FAM240C: variants seen among roughly 807,000 people sequenced by gnomAD.
The protein encoded by FAM240C is family with sequence similarity 240 member C.
FAM240C carries 14 observed loss-of-function variants against 10.0 expected under a neutral mutation model. The observed-to-expected ratio is 1.40, with a 90% CI of 0.92 to 2.19. FAM240C has a LOEUF of 2.19. FAM240C is among the 30% of genes most tolerant of loss of function. The probability of loss-of-function intolerance (pLI) is 0.00; values close to 1 mark genes in which losing one functional copy is unlikely to be tolerated. For missense variants in FAM240C, 154 were observed against 122.3 expected (o/e 1.26, Z -1.22); for synonymous variants, 49 against 44.3 (o/e 1.11, Z -0.42).
At chr2:241,894,580 G>A (rs1036479836) in intron 2 of FAM240C, among the ~76,000 whole-genome samples, 7 of 146,552 alleles carry the variant, frequency 4.8e-5, no homozygotes, top group Admixed American at 6.7e-5. Context: ...TGGTGGGGGG[G>A]GGGGGGGGCG....
In FAM240C at chr2:241,900,294, GCCCCCA is replaced by G. The variant is rs1701952855; in HGVS notation, c.12+58_12+63del. On this transcript the variant is annotated intron_variant, in intron 1 of 2. Transcript: ENST00000404031. This position sits in a 1 kb window ranked among gnomAD's most constrained non-coding sequence, Gnocchi z 4.5. ...CACATACTCTGTTCACCTTTTGGGG[GCCCCCA>G]AATGCAGCGCCAATCTCTCAAGCAA... 5 of 714,486 alleles carry G rather than the reference GCCCCCA, an allele frequency of 7.0e-6. No individual in the cohort carries two copies. The highest frequency in any genetic ancestry group is 1.3e-5 in the Non-Finnish European group (5 of 383,084). The allele number at this position is 714,486 out of a possible 1,614,324, so 44.3% of individuals were successfully genotyped here.
chr2:241,898,730 G>T lies in FAM240C; in HGVS notation c.13-1396C>A, dbSNP rs555451804. On this transcript the variant is annotated intron_variant, in intron 1 of 2. Transcript: ENST00000404031. The stretch of plus-strand genomic sequence containing the variant: ...CCTGGGCTGTGCCTGCCCTGGCCTG[G>T]CTCCAGGTCTCCGTAGATGGCCCTG... Among the ~76,000 whole-genome samples the T allele has an allele frequency of 2.6e-5, 4 of 152,306 alleles. No individual in the cohort carries two copies. In the East Asian group the frequency reaches 7.7e-4, roughly 29 times the overall value.
chr2:241,894,576 G>A lies in FAM240C; in HGVS notation c.162-237C>T, dbSNP rs1472464410. 5.0e-4 allele frequency among the ~76,000 whole-genome samples: 7 copies of A among 14,140 alleles called. 1 individual carries two copies. The highest frequency in any genetic ancestry group is 0.012 in the South Asian group (1 of 86). 9.3% of individuals were successfully genotyped at this position (14,140 alleles called of 152,430 possible). A position where few individuals can be genotyped will look rare whatever the true frequency, so the allele number is the denominator to read the frequency against. The stretch of plus-strand genomic sequence containing the variant: ...CAGGCTGCTGACCAGTGGTTGGTGG[G>A]GGGGGGGGGGGGCGTCTCACTCAGG... On this transcript the variant is annotated intron_variant, in intron 2 of 2. Transcript: ENST00000404031.
chr2:241,900,476 G>A, upstream of FAM240C: 1 of 691,554 alleles, frequency 1.4e-6, no homozygotes, highest in Non-Finnish European at 2.7e-6. The surrounding 1 kb of genome is among the most constrained non-coding windows in gnomAD (Gnocchi z 4.5). Context: ...CATGGGCTCA[G>A]TGACACGCAT....
At chr2:241,900,726 G>A (rs1216744044), upstream of FAM240C, among the ~76,000 whole-genome samples, 1 of 151,378 alleles carries the variant, frequency 6.6e-6, no homozygotes, top group Non-Finnish European at 1.5e-5. The surrounding 1 kb of genome is among the most constrained non-coding windows in gnomAD (Gnocchi z 4.5). Context: ...GGGCACCTAG[G>A]AGTCCTGGGT....
At chr2:241,900,565 G>A (rs1358791922), upstream of FAM240C, 2 of 582,818 alleles carry the variant, frequency 3.4e-6, no homozygotes, top group African/African-American at 3.7e-5. The surrounding 1 kb of genome is among the most constrained non-coding windows in gnomAD (Gnocchi z 4.5). Context: ...TCCGTCCGGA[G>A]GGCAGCTGTT....
At chr2:241,895,428 G>T (rs543947082) in intron 2 of FAM240C, among the ~76,000 whole-genome samples, 1 of 152,348 alleles carries the variant, frequency 6.6e-6, no homozygotes, top group South Asian at 2.1e-4. Flanking sequence ...ACAGGGGACC[G>T]TGGGGTCCCG....
chr2:241,894,276 T>C lies in FAM240C; in HGVS notation c.225A>G (p.Arg75=). The change falls in exon 3 of 3, where the codon AGA becomes AGG. Residue 75 remains arginine, a synonymous_variant. Coordinates refer to ENST00000404031, the MANE Select transcript of FAM240C (RefSeq NM_001382368.1). ...GRNKMLQGPG[R]CPDRVPEATE... ...TGGCCTCCGGGACCCTGTCTGGGCATCTCCCTGGGCCCTGCAGCATCTTGT... is the reference window on the plus strand; with the variant it reads ...TGGCCTCCGGGACCCTGTCTGGGCACCTCCCTGGGCCCTGCAGCATCTTGT... The C allele has an allele frequency of 6.5e-7, 1 of 1,549,926 alleles. No individual in the cohort carries two copies. The highest frequency in any genetic ancestry group is 1.4e-5 in the African/African-American group (1 of 73,150).
chr2:241,898,109 A>G (rs1701896916), intron 1 of FAM240C, among the ~76,000 whole-genome samples: 2 of 152,170 alleles, frequency 1.3e-5, no homozygotes, highest in African/African-American at 4.8e-5. Context: ...GTGGGGTTAA[A>G]TGTGGCAGGT....
At chr2:241,895,905 A>ATGTG (rs1701785718) in intron 2 of FAM240C, among the ~76,000 whole-genome samples, 3 of 150,300 alleles carry the variant, frequency 2.0e-5, no homozygotes, top group Non-Finnish European at 4.4e-5. Context: ...ACACAGGCAC[A>ATGTG]CGTCCAGGAA....
upstream of FAM240C, among the ~76,000 whole-genome samples, chr2:241,902,190 T>A (rs528963115): frequency 4.1e-4 from 62 of 152,172 alleles, no homozygotes; most frequent in East Asian, 0.01. The surrounding 1 kb of genome is among the most constrained non-coding windows in gnomAD (Gnocchi z 7.1). Flanking sequence ...CAGACAACCC[T>A]GTAGCACCAC....
intron 2 of FAM240C, among the ~76,000 whole-genome samples, chr2:241,896,781 TGAA>T (rs1479743604): frequency 2.8e-4 from 5 of 17,678 alleles, no homozygotes; most frequent in Admixed American, 1.2e-3. Flanking sequence ...GGGGTGTGGG[TGAA>T]GGGGGTGTGG....
At chr2:241,896,935 C>A (rs4973669) in intron 2 of FAM240C, among the ~76,000 whole-genome samples, 15 of 150,674 alleles carry the variant, frequency 1.0e-4, no homozygotes, top group Non-Finnish European at 1.8e-4. Flanking sequence ...ATCTGAGCTC[C>A]TGGTCTCACG....
chr2:241,899,277 G>C, intron 1 of FAM240C: 1 of 1,270,640 alleles, frequency 7.9e-7, no homozygotes, highest in Non-Finnish European at 1.0e-6. Flanking sequence ...TGTGATGTGG[G>C]TGCTGGGCGC....
At chr2:241,897,721 T>C (rs1357008214) in intron 1 of FAM240C, among the ~76,000 whole-genome samples, 1 of 152,234 alleles carries the variant, frequency 6.6e-6, no homozygotes, top group Non-Finnish European at 1.5e-5. Context: ...GGCTGTGGCT[T>C]CTGTGCCAGG....
chr2:241,895,175 G>C (rs1186656795), intron 2 of FAM240C, among the ~76,000 whole-genome samples: 1 of 152,244 alleles, frequency 6.6e-6, no homozygotes, highest in African/African-American at 2.4e-5. Flanking sequence ...GGGCCCCACG[G>C]TGATGGTCCC....
intron 2 of FAM240C, 22 bp from the exon 3 acceptor site, chr2:241,894,361 G>A (rs1261604158): frequency 7.2e-6 from 11 of 1,530,220 alleles, no homozygotes; most frequent in South Asian, 1.2e-5. Flanking sequence ...CGATAATTTC[G>A]GCATTGTGAG....
At chr2:241,895,583 GC>G (rs1158547138) in intron 2 of FAM240C, among the ~76,000 whole-genome samples, 1 of 152,240 alleles carries the variant, frequency 6.6e-6, no homozygotes, top group Non-Finnish European at 1.5e-5. Context: ...GGAAAGTTAG[GC>G]TACTCTCTAA....
intron 1 of FAM240C, chr2:241,899,433 C>G (rs1311343198): frequency 1.4e-6 from 1 of 725,938 alleles, no homozygotes; most frequent in Non-Finnish European, 1.7e-6. Flanking sequence ...GGCGCGAATT[C>G]AGTGAGTGAA....
Sources: gnomAD v4.1 joint callset for allele counts (sites outside exome capture counted in the v4.1 genomes callset) on GRCh38, gnomAD v4.1.1 for gene constraint, Gnocchi (gnomAD v3.1) non-coding constraint, MANE v1.5 for transcripts, NCBI Gene and HGNC (gene_info 2026-07-23, HGNC 2026-07-21) for gene names.